The following BMPER variants were observed in gnomAD, a reference collection of about 807,000 sequenced individuals.
BMPER encodes BMP-binding endothelial regulator protein.
In BMPER, 45 loss-of-function variants were observed where a neutral mutation model predicts 87.3. The observed-to-expected ratio is 0.52, with a 90% CI of 0.41 to 0.66. The LOEUF (loss-of-function observed/expected upper bound fraction) is 0.66. BMPER is among the 30% of genes least tolerant of loss of function. BMPER has a pLI of 0.00. For synonymous variants in BMPER, 326 were observed against 316.2 expected (o/e 1.03, Z -0.33); for missense variants, 784 against 867.5 (o/e 0.90, Z 1.21).
chr7:34,023,994 G>C (rs1375265275), intron 6 of BMPER, among the ~76,000 whole-genome samples: 1 of 151,854 alleles, frequency 6.6e-6, no homozygotes, highest in African/African-American at 2.4e-5. Flanking sequence ...TATTTTTCAA[G>C]AAGAACCATC....
At chr7:34,150,179 G>C (rs1289510121) in intron 14 of BMPER, among the ~76,000 whole-genome samples, 1 of 152,122 alleles carries the variant, frequency 6.6e-6, no homozygotes, top group Admixed American at 6.6e-5. Flanking sequence ...GGTAGAAGAG[G>C]TTGGGAAATA....
intron 13 of BMPER, among the ~76,000 whole-genome samples, chr7:34,141,293 A>G (rs1790860964): frequency 1.3e-5 from 2 of 152,250 alleles, no homozygotes; most frequent in South Asian, 4.2e-4. Flanking sequence ...TTTCTATAAT[A>G]AAAGTGGGGA....
intron 3 of BMPER, among the ~76,000 whole-genome samples, chr7:33,958,466 A>G (rs918943159): frequency 2.0e-5 from 3 of 152,154 alleles, no homozygotes; most frequent in South Asian, 4.1e-4. Flanking sequence ...ATCAGCTCTT[A>G]CCACTCCAGC....
chr7:33,938,305 AC>A (rs749174594), intron 3 of BMPER, among the ~76,000 whole-genome samples: 1 of 152,260 alleles, frequency 6.6e-6, no homozygotes, highest in South Asian at 2.1e-4. Flanking sequence ...CCCAAATTTC[AC>A]ATCTACTTGG....
At chr7:34,055,724 C>T (rs1480683567) in intron 9 of BMPER, among the ~76,000 whole-genome samples, 11 of 152,118 alleles carry the variant, frequency 7.2e-5, no homozygotes, top group Admixed American at 2.0e-4. Context: ...AAAATTTTCT[C>T]ATTTGGAAGA....
intron 6 of BMPER, among the ~76,000 whole-genome samples, chr7:34,024,397 ATATATATATATATATATATATATATATAT>A (rs2127947718): frequency 1.8e-4 from 4 of 22,008 alleles, no homozygotes; most frequent in Admixed American, 4.8e-4. Flanking sequence ...ATATATATAT[ATATATATATATATATATATATATATATAT>A]ATATATATGT....
At position 34,143,304 on chromosome 7, in the gene BMPER, G is replaced by C; in HGVS notation, c.1820G>C (p.Arg607Pro). The change falls in exon 14 of 15, where the codon CGG (arginine) becomes CCG (proline). Residue 607 changes from arginine to proline, a missense_variant. Physicochemically the swap from Arg to Pro is moderately radical, Grantham distance 103. Transcript: ENST00000649409. ...CYCESFLAYT[R>P]ACQREGIKVH... The stretch of plus-strand genomic sequence containing the variant: ...TGCGAGTCATTTTTGGCATATACCC[G>C]GGCCTGCCAGAGAGAGGGCATCAAA... 1 of 1,613,988 alleles carries C rather than the reference G, an allele frequency of 6.2e-7. No individual in the cohort carries two copies. Among genetic ancestry groups the C allele is most frequent in the South Asian group, 1.1e-5 (1 of 91,074 alleles).
chr7:33,999,188 G>T (rs932088902), intron 6 of BMPER, among the ~76,000 whole-genome samples: 6 of 152,208 alleles, frequency 3.9e-5, no homozygotes, highest in African/African-American at 1.4e-4. Context: ...CAGTTTCTAG[G>T]CACTGGTTCC....
At chr7:34,005,320 A>T (rs1251779817) in intron 6 of BMPER, among the ~76,000 whole-genome samples, 1 of 152,116 alleles carries the variant, frequency 6.6e-6, no homozygotes, top group Non-Finnish European at 1.5e-5. Context: ...GACAAGATTA[A>T]TGTAAGTTAA....
At chr7:33,912,060 T>C (rs184490374) in intron 2 of BMPER, among the ~76,000 whole-genome samples, 3 of 152,182 alleles carry the variant, frequency 2.0e-5, no homozygotes, top group African/African-American at 7.2e-5. Flanking sequence ...ATTGGTCCAG[T>C]GATCCCAGTG....
At chr7:33,907,163 C>T (rs1040990952) in intron 2 of BMPER, among the ~76,000 whole-genome samples, 21 of 151,944 alleles carry the variant, frequency 1.4e-4, no homozygotes, top group African/African-American at 4.8e-4. Flanking sequence ...TGTATGACGT[C>T]TCGGTGAAAT....
chr7:34,051,197 C>T (rs1585778026), intron 7 of BMPER, among the ~76,000 whole-genome samples: 1 of 152,264 alleles, frequency 6.6e-6, no homozygotes, highest in East Asian at 1.9e-4. Context: ...GCTCTCCTGA[C>T]CTAATCACCT....
At position 34,110,718 on chromosome 7, in the gene BMPER, C is replaced by G. The variant is rs1789939957; in HGVS notation, c.1745+24626C>G. On this transcript the variant is annotated intron_variant, in intron 13 of 14. Coordinates refer to ENST00000649409, the MANE Select transcript of BMPER (RefSeq NM_001365308.1). ...CTATGGAAGCCAAAGGTGCAGGCCTCAAGCCCCAAAACTATTCTTTCCAAT... is the reference window on the plus strand; with the variant it reads ...CTATGGAAGCCAAAGGTGCAGGCCTGAAGCCCCAAAACTATTCTTTCCAAT... 3.3e-5 allele frequency among the ~76,000 whole-genome samples: 5 copies of G among 152,216 alleles called. No individual in the cohort carries two copies. The South Asian group carries it at 1.0e-3, about 32-fold the overall frequency.
intron 13 of BMPER, among the ~76,000 whole-genome samples, chr7:34,107,570 C>T (rs1583447232): frequency 2.6e-5 from 4 of 151,944 alleles, no homozygotes; most frequent in South Asian, 2.1e-4. Context: ...GGTTTTTTTT[C>T]GGAAGTAAAA....
intron 13 of BMPER, among the ~76,000 whole-genome samples, chr7:34,133,325 C>G (rs1489474898): frequency 6.6e-6 from 1 of 152,142 alleles, no homozygotes; most frequent in Non-Finnish European, 1.5e-5. Context: ...ATGGCACCTC[C>G]ACGAAAACCC....
At chr7:33,973,425 T>G (rs952465383) in intron 5 of BMPER, among the ~76,000 whole-genome samples, 2 of 152,226 alleles carry the variant, frequency 1.3e-5, no homozygotes, top group African/African-American at 4.8e-5. Flanking sequence ...AGCATACAGA[T>G]CTTATGCCTG....
chr7:34,008,555 G>T (rs1786794951), intron 6 of BMPER, among the ~76,000 whole-genome samples: 1 of 151,708 alleles, frequency 6.6e-6, no homozygotes, highest in South Asian at 2.1e-4. Flanking sequence ...TATTTTTGAA[G>T]GAGGCCATGT....
intron 14 of BMPER, among the ~76,000 whole-genome samples, chr7:34,150,972 C>T (rs1479941918): frequency 1.3e-5 from 2 of 152,114 alleles, no homozygotes; most frequent in East Asian, 1.9e-4. Flanking sequence ...AACATCCATC[C>T]CATCCACACA....
At chr7:34,120,729 T>G (rs1392511656) in intron 13 of BMPER, among the ~76,000 whole-genome samples, 1 of 152,198 alleles carries the variant, frequency 6.6e-6, no homozygotes, top group Admixed American at 6.5e-5. Flanking sequence ...AGACCTCAGT[T>G]GGATATAGCT....
Sources: gnomAD v4.1 joint callset for allele counts (sites outside exome capture counted in the v4.1 genomes callset) on GRCh38, gnomAD v4.1.1 for gene constraint, MANE v1.5 for transcripts, NCBI Gene and HGNC (gene_info 2026-07-23, HGNC 2026-07-21) for gene names.